The following ZNF169 variants were observed in gnomAD, a reference collection of about 807,000 sequenced individuals.
ZNF169 encodes the protein zinc finger protein 169.
ZNF169 carries 11 observed loss-of-function variants against 12.0 expected under a neutral mutation model. The ratio of observed to expected loss-of-function variants is 0.92; its 90% confidence interval spans 0.58 to 1.52. ZNF169 has a LOEUF of 1.52. ZNF169 is among the 40% of genes most tolerant of loss of function. ZNF169 has a pLI of 0.00. For missense variants in ZNF169, 722 were observed against 744.0 expected, an observed-to-expected ratio of 0.97 and a Z score of 0.34; for synonymous variants, 302 against 286.5, an observed-to-expected ratio of 1.05 and a Z score of -0.55.
chr9:94,267,499 C>G (rs904508892), intron 1 of ZNF169, among the ~76,000 whole-genome samples: 3 of 152,172 alleles, frequency 2.0e-5, no homozygotes, highest in Admixed American at 6.5e-5. Flanking sequence ...AGAATACTCA[C>G]AGATAGTTTC....
At chr9:94,280,312 G>A (rs1014686595) in intron 2 of ZNF169, among the ~76,000 whole-genome samples, 3 of 152,136 alleles carry the variant, frequency 2.0e-5, no homozygotes, top group Non-Finnish European at 4.4e-5. Flanking sequence ...CAAGGTAGCA[G>A]GAGACTTTTT....
intron 2 of ZNF169, among the ~76,000 whole-genome samples, chr9:94,282,687 C>T (rs1447396005): frequency 1.3e-5 from 2 of 151,994 alleles, no homozygotes; most frequent in African/African-American, 4.8e-5. Flanking sequence ...CCTTTCATAA[C>T]CCCTTCATTG....
At chr9:94,279,079 A>G (rs977175268) in intron 2 of ZNF169, among the ~76,000 whole-genome samples, 2 of 152,096 alleles carry the variant, frequency 1.3e-5, no homozygotes, top group African/African-American at 4.8e-5. Flanking sequence ...CAGGACATCC[A>G]TGCTTATGTG....
intron 1 of ZNF169, among the ~76,000 whole-genome samples, chr9:94,272,229 G>A (rs1830437061): frequency 6.6e-6 from 1 of 151,586 alleles, no homozygotes; most frequent in South Asian, 2.1e-4. Context: ...TTTTCCTAGG[G>A]GTTTAGTAAT....
At chr9:94,267,666 G>A (rs1564082338) in intron 1 of ZNF169, among the ~76,000 whole-genome samples, 1 of 152,146 alleles carries the variant, frequency 6.6e-6, no homozygotes, top group Non-Finnish European at 1.5e-5. Flanking sequence ...AAGCAAAAAT[G>A]TCAAAAAGGT....
chr9:94,298,403 G>A (rs142045087), intron 4 of ZNF169, among the ~76,000 whole-genome samples: 116 of 151,982 alleles, frequency 7.6e-4, no homozygotes, highest in Admixed American at 1.4e-3. Flanking sequence ...TAGTCCTGCC[G>A]AGCGCAGTGG....
intron 2 of ZNF169, chr9:94,288,029 C>T: frequency 1.3e-6 from 1 of 777,708 alleles, no homozygotes; most frequent in Non-Finnish European, 2.3e-6. Context: ...ATTCATCAGT[C>T]TTGTAGCCAA....
At chr9:94,266,774 G>T (rs1012335276) in intron 1 of ZNF169, among the ~76,000 whole-genome samples, 6 of 152,132 alleles carry the variant, frequency 3.9e-5, no homozygotes, top group African/African-American at 1.2e-4. Flanking sequence ...GTGTACTGTA[G>T]TTTTTGAAAC....
At chr9:94,261,746 C>T (rs10993121) in intron 1 of ZNF169, among the ~76,000 whole-genome samples, 45,253 of 152,038 alleles carry the variant, frequency 0.3, 7,296 homozygotes, top group Non-Finnish European at 0.36. Flanking sequence ...GAATGTAGAA[C>T]GAAGTAAAAC....
intron 4 of ZNF169, chr9:94,299,562 G>A (rs1271204952): frequency 7.5e-7 from 1 of 1,340,624 alleles, no homozygotes; most frequent in East Asian, 2.7e-5. Context: ...CCCAAGAAAG[G>A]AAGATAAATG....
Position 94,288,402 on chromosome 9 carries a change from C to G in ZNF169, c.34-3939C>G, listed in dbSNP as rs553234559. ...CCAGACTGCCCGTCACTTTGGTATT[C>G]TCAGTGTTGGCTGAGCCTGAGCTTG... On this transcript the variant is annotated intron_variant, in intron 2 of 4. Transcript: ENST00000395395. 4.8e-5 allele frequency: 60 copies of G among 1,255,356 alleles called. No homozygotes were observed. In the African/African-American group the frequency reaches 7.1e-4, roughly 15 times the overall value. The allele number at this position is 1,255,356 out of a possible 1,614,324, so 77.8% of individuals were successfully genotyped here.
intron 2 of ZNF169, among the ~76,000 whole-genome samples, chr9:94,286,841 A>C (rs1830727528): frequency 6.6e-6 from 1 of 152,172 alleles, no homozygotes; most frequent in Non-Finnish European, 1.5e-5. Flanking sequence ...GCTTCATCAC[A>C]TTACCCTCTC....
intron 1 of ZNF169, among the ~76,000 whole-genome samples, chr9:94,277,837 C>T (rs1830552252): frequency 6.6e-6 from 1 of 150,962 alleles, no homozygotes; most frequent in Non-Finnish European, 1.5e-5. Context: ...GAGGCTGAGG[C>T]AGGAGAATGG....
intron 1 of ZNF169, among the ~76,000 whole-genome samples, chr9:94,271,503 CT>C (rs1344657376): frequency 6.6e-6 from 1 of 152,024 alleles, no homozygotes; most frequent in Non-Finnish European, 1.5e-5. Flanking sequence ...GGGCAGATCA[CT>C]CGGTCAAAAG....
At chr9:94,299,780 T>A in intron 4 of ZNF169, 35 bp from the exon 5 acceptor site, 1 of 1,576,788 alleles carries the variant, frequency 6.3e-7, no homozygotes, top group Non-Finnish European at 8.6e-7. Context: ...CATGGTCACC[T>A]GTGGTGATTC....
chr9:94,281,059 C>G (rs1286792877), intron 2 of ZNF169, among the ~76,000 whole-genome samples: 2 of 152,162 alleles, frequency 1.3e-5, no homozygotes, highest in African/African-American at 4.8e-5. Flanking sequence ...TTGGAGTTCA[C>G]TATATCTAAC....
intron 2 of ZNF169, among the ~76,000 whole-genome samples, chr9:94,288,754 G>A (rs1476133280): frequency 6.6e-6 from 1 of 152,148 alleles, no homozygotes; most frequent in African/African-American, 2.4e-5. Context: ...CTTCCACCAT[G>A]ATTGTAAGTT....
intron 2 of ZNF169, among the ~76,000 whole-genome samples, chr9:94,280,843 G>T (rs1445725234): frequency 6.6e-6 from 1 of 152,126 alleles, no homozygotes; most frequent in Non-Finnish European, 1.5e-5. Flanking sequence ...GGATGATTCA[G>T]GCCAGAGCAG....
intron 2 of ZNF169, chr9:94,288,397 G>T: frequency 8.0e-7 from 1 of 1,244,420 alleles, no homozygotes; most frequent in Non-Finnish European, 1.2e-6. Flanking sequence ...CGTCACTTTG[G>T]TATTCTCAGT....
Sources: allele counts gnomAD v4.1 joint callset (sites outside exome capture counted in the v4.1 genomes callset), GRCh38; gene constraint gnomAD v4.1.1; transcripts MANE v1.5; gene names NCBI Gene and HGNC (gene_info 2026-07-23, HGNC 2026-07-21).